COL6A5: variants seen among roughly 807,000 people sequenced by gnomAD.
COL6A5 encodes the protein collagen type VI alpha 5 chain, also known as collagen alpha-5(VI) chain.
COL6A5 carries 48 observed loss-of-function variants against 65.6 expected under a neutral mutation model. The ratio of observed to expected loss-of-function variants is 0.73; its 90% confidence interval spans 0.58 to 0.93. The LOEUF (loss-of-function observed/expected upper bound fraction) is 0.93. Ranked by LOEUF, COL6A5 falls within the 40% of genes least tolerant of loss-of-function variation. The pLI is 0.00. For synonymous variants in COL6A5, 291 were observed against 322.8 expected, an observed-to-expected ratio of 0.90 and a Z score of 1.05; for missense variants, 914 against 928.3, an observed-to-expected ratio of 0.98 and a Z score of 0.20.
At chr3:130,473,114 A>C (rs1710001001) in intron 7 of COL6A5, among the ~76,000 whole-genome samples, 1 of 151,922 alleles carries the variant, frequency 6.6e-6, no homozygotes, top group Non-Finnish European at 1.5e-5. Context: ...GTTCTCATCA[A>C]AATGGAATAA....
chr3:130,397,012 G>A (rs1463334499), intron 8 of COL6A5, among the ~76,000 whole-genome samples: 6 of 152,160 alleles, frequency 3.9e-5, no homozygotes, highest in East Asian at 3.9e-4. Context: ...ACAGGCGCCC[G>A]CCACCACACC....
intron 4 of COL6A5, among the ~76,000 whole-genome samples, chr3:130,446,776 G>A (rs559218382): frequency 7.0e-5 from 6 of 86,320 alleles, no homozygotes; most frequent in Admixed American, 4.9e-4. Flanking sequence ...TCTTCCCCAC[G>A]TTATAATTGT....
At chr3:130,469,104 T>C in exon 6 of COL6A5, 1 of 1,613,056 alleles carries the variant, frequency 6.2e-7, no homozygotes, top group Non-Finnish European at 8.5e-7. Flanking sequence ...TATAACAGTA[T>C]ACACCAAATG....
exon 9 of COL6A5, chr3:130,397,798 A>G: frequency 6.4e-7 from 1 of 1,551,662 alleles, no homozygotes; most frequent in Non-Finnish European, 8.7e-7. Context: ...CAAGTTCCAA[A>G]TCTATCAGAA....
At chr3:130,346,110 C>T (rs1934464816) in intron 1 of COL6A5, 129 bp downstream of exon 1, 1 of 397,400 alleles carries the variant, frequency 2.5e-6, no homozygotes, top group South Asian at 1.4e-4. Context: ...AATCTGAGCT[C>T]TAAGGAATTT....
At chr3:130,394,914 T>C (rs1314475738) in exon 8 of COL6A5, 1 of 1,551,114 alleles carries the variant, frequency 6.4e-7, no homozygotes, top group Non-Finnish European at 8.7e-7. Context: ...GAAGCTGACG[T>C]GATTTTCCTT....
chr3:130,375,296 G>A (rs1386718545), intron 2 of COL6A5, among the ~76,000 whole-genome samples: 1 of 152,120 alleles, frequency 6.6e-6, no homozygotes, highest in Non-Finnish European at 1.5e-5. Context: ...TCTGGGGATG[G>A]TCTGCAGCCA....
chr3:130,458,591 A>G (rs374397252), intron 5 of COL6A5, among the ~76,000 whole-genome samples: 6 of 152,278 alleles, frequency 3.9e-5, no homozygotes, highest in East Asian at 1.9e-4. Context: ...ATGTTTGACC[A>G]TTTTGGTGTG....
intron 6 of COL6A5, among the ~76,000 whole-genome samples, chr3:130,389,964 C>T (rs1936335748): frequency 6.6e-6 from 1 of 152,070 alleles, no homozygotes; most frequent in Admixed American, 6.6e-5. Flanking sequence ...TTTCATTGGA[C>T]TTTATTCGTC....
chr3:130,477,170 C>G lies in COL6A5; in HGVS notation c.2328+6203C>G, dbSNP rs908930899. 1.2e-5 allele frequency: 12 copies of G among 987,358 alleles called. No individual in the cohort carries two copies. The South Asian group carries it at 1.6e-4, about 13-fold the overall frequency. 61.2% of individuals were successfully genotyped at this position (987,358 alleles called of 1,614,324 possible). Reference sequence around the variant, plus strand: ...TTTACCTTAAAGTTAGGCCATGAAACAGAAATAATACAATCTATCTCTGAG... The same window carrying G: ...TTTACCTTAAAGTTAGGCCATGAAAGAGAAATAATACAATCTATCTCTGAG... On this transcript the variant is annotated intron_variant, in intron 7 of 7. Transcript: ENST00000512836.
chr3:130,391,296 A>T (rs2107653264), exon 7 of COL6A5: 1 of 1,551,712 alleles, frequency 6.4e-7, no homozygotes, highest in African/African-American at 1.4e-5. Context: ...AAGAAAGCAG[A>T]TGTTGGCAGG....
intron 6 of COL6A5, among the ~76,000 whole-genome samples, chr3:130,470,018 C>A (rs1004708512): frequency 6.6e-6 from 1 of 152,046 alleles, no homozygotes; most frequent in Admixed American, 6.6e-5. Flanking sequence ...ACACTGCCCT[C>A]CACCTACTCC....
chr3:130,459,901 T>C (rs1190237329), intron 5 of COL6A5, among the ~76,000 whole-genome samples: 1 of 152,116 alleles, frequency 6.6e-6, no homozygotes, highest in Non-Finnish European at 1.5e-5. Flanking sequence ...GCTTTTCACA[T>C]GATATTATGT....
At chr3:130,456,469 A>C (rs1341291484) in intron 5 of COL6A5, among the ~76,000 whole-genome samples, 1 of 152,124 alleles carries the variant, frequency 6.6e-6, no homozygotes, top group East Asian at 1.9e-4. Context: ...CGATTGTGTA[A>C]TACAAAAGAT....
intron 8 of COL6A5, among the ~76,000 whole-genome samples, chr3:130,395,925 T>C (rs1936586881): frequency 6.6e-6 from 1 of 152,136 alleles, no homozygotes; most frequent in Non-Finnish European, 1.5e-5. Flanking sequence ...GTGTACAGTG[T>C]ATTTTTCTTC....
intron 24 of COL6A5, among the ~76,000 whole-genome samples, chr3:130,418,534 T>A (rs1937423714): frequency 6.6e-6 from 1 of 152,138 alleles, no homozygotes; most frequent in East Asian, 1.9e-4. Flanking sequence ...CCTCCCCTAA[T>A]GTGTTTATTT....
chr3:130,477,144 G>A, intron 7 of COL6A5: 2 of 1,279,094 alleles, frequency 1.6e-6, no homozygotes, highest in Non-Finnish European at 2.2e-6. Flanking sequence ...TAGAACGTAA[G>A]TTTACCTTAA....
At chr3:130,480,274 A>G (rs986598222) in intron 7 of COL6A5, among the ~76,000 whole-genome samples, 4 of 152,050 alleles carry the variant, frequency 2.6e-5, no homozygotes, top group African/African-American at 9.7e-5. Context: ...ATTTAAATAT[A>G]TATGTTGTTT....
intron 1 of COL6A5, among the ~76,000 whole-genome samples, chr3:130,361,738 T>A (rs574024759): frequency 6.6e-6 from 1 of 152,232 alleles, no homozygotes; most frequent in African/African-American, 2.4e-5. Flanking sequence ...TTGCCAGCAT[T>A]TGGTGTTGTC....
Sources: gnomAD v4.1 joint callset for allele counts (sites outside exome capture counted in the v4.1 genomes callset) on GRCh38, gnomAD v4.1.1 for gene constraint, MANE v1.5 for transcripts, NCBI Gene and HGNC (gene_info 2026-07-23, HGNC 2026-07-21) for gene names.